The following CDH13 variants were observed in gnomAD, a reference collection of about 807,000 sequenced individuals.
CDH13 encodes the protein cadherin-13.
In CDH13, 24 loss-of-function variants were observed where a neutral mutation model predicts 63.8. The ratio of observed to expected loss-of-function variants is 0.38; its 90% CI spans 0.27 to 0.53. The LOEUF (loss-of-function observed/expected upper bound fraction) is 0.53, where lower values mean the gene tolerates loss of function less well. Among genes scored for constraint, CDH13 ranks in the 20% least tolerant of loss-of-function variants. The pLI, the probability that CDH13 is intolerant of heterozygous loss-of-function variation, is 0.85. For synonymous variants in CDH13, 503 were observed against 355.3 expected (o/e 1.42, Z -4.67); for missense variants, 1,049 against 903.1 (o/e 1.16, Z -2.07).
intron 5 of CDH13, among the ~76,000 whole-genome samples, chr16:83,337,247 T>C (rs1424398945): frequency 6.6e-6 from 1 of 152,150 alleles, no homozygotes; most frequent in Non-Finnish European, 1.5e-5. Flanking sequence ...CCCCACAGTA[T>C]GGAAAGAGAG....
At chr16:82,914,322 G>T (rs1337355619) in intron 2 of CDH13, among the ~76,000 whole-genome samples, 1 of 152,106 alleles carries the variant, frequency 6.6e-6, no homozygotes, top group African/African-American at 2.4e-5. Context: ...AACCCGTATA[G>T]TCTTCATAAA....
chr16:83,389,156 TG>T (rs1429789347), intron 6 of CDH13, among the ~76,000 whole-genome samples: 6 of 152,236 alleles, frequency 3.9e-5, no homozygotes, highest in Non-Finnish European at 8.8e-5. Context: ...TCACTCAGAT[TG>T]CTTTTCATTT....
intron 2 of CDH13, among the ~76,000 whole-genome samples, chr16:82,948,112 ACT>A (rs1219620328): frequency 1.3e-5 from 2 of 152,118 alleles, no homozygotes; most frequent in Admixed American, 6.5e-5. Context: ...AAAGCCGGTA[ACT>A]CTAACGTTAT....
intron 3 of CDH13, among the ~76,000 whole-genome samples, chr16:83,063,529 A>G (rs1447091064): frequency 5.9e-5 from 9 of 152,202 alleles, no homozygotes; most frequent in Non-Finnish European, 7.3e-5. Flanking sequence ...GGTTATAGCA[A>G]TAGAGATGGA....
chr16:82,792,559 C>A (rs1445413090), intron 1 of CDH13, among the ~76,000 whole-genome samples: 1 of 152,080 alleles, frequency 6.6e-6, no homozygotes, highest in African/African-American at 2.4e-5. Context: ...TTAGTTGCCC[C>A]TCTAGACTAT....
At chr16:83,449,951 G>C (rs2072837324) in intron 6 of CDH13, among the ~76,000 whole-genome samples, 1 of 152,164 alleles carries the variant, frequency 6.6e-6, no homozygotes, top group Non-Finnish European at 1.5e-5. Flanking sequence ...AGAAGAAAAA[G>C]AGCATTTGAT....
chr16:83,672,383 T>C (rs528693119), intron 9 of CDH13, among the ~76,000 whole-genome samples: 2 of 147,428 alleles, frequency 1.4e-5, no homozygotes, highest in Admixed American at 1.4e-4. Context: ...ACATGGTAGA[T>C]AGAGTGAGGC....
intron 2 of CDH13, among the ~76,000 whole-genome samples, chr16:82,885,565 A>G (rs2040860334): frequency 6.6e-6 from 1 of 151,838 alleles, no homozygotes; most frequent in African/African-American, 2.4e-5. Context: ...CCATTCACTT[A>G]TCCTGCCTTG....
intron 6 of CDH13, among the ~76,000 whole-genome samples, chr16:83,473,804 C>T (rs1475962904): frequency 3.3e-5 from 5 of 152,172 alleles, no homozygotes; most frequent in Non-Finnish European, 7.3e-5. Flanking sequence ...GTCTCAGCCA[C>T]TTACCAGCTA....
chr16:83,453,269 C>T (rs763766718), intron 6 of CDH13, among the ~76,000 whole-genome samples: 1 of 152,078 alleles, frequency 6.6e-6, no homozygotes, highest in Non-Finnish European at 1.5e-5. Flanking sequence ...GTTCAGTGTA[C>T]ACTGCTCAGG....
intron 1 of CDH13, among the ~76,000 whole-genome samples, chr16:82,733,370 T>G (rs956303940): frequency 3.8e-5 from 5 of 131,418 alleles, no homozygotes; most frequent in Non-Finnish European, 8.7e-5. Context: ...ATTTTTGCTA[T>G]GTAAAAAAAA....
chr16:83,037,152 A>G (rs891785424), intron 3 of CDH13, among the ~76,000 whole-genome samples: 12 of 152,196 alleles, frequency 7.9e-5, no homozygotes, highest in Non-Finnish European at 4.4e-5. Flanking sequence ...AATAGCTACT[A>G]CTATTTTTTG....
Position 83,162,658 on chromosome 16 carries a change from T to C in CDH13, c.483+37157T>C, listed in dbSNP as rs536532038. Among the ~76,000 whole-genome samples the C allele has an allele frequency of 8.3e-4, 126 of 151,852 alleles. 1 individual carries two copies. The highest frequency in any genetic ancestry group is 2.8e-3 in the African/African-American group (118 of 41,516). On this transcript the variant is annotated intron_variant, in intron 4 of 13. Transcript: ENST00000567109. ...TCAGGTTGCCTAAACAGTTACTGAA[T>C]GAGCTTGTCAAAATGCATAAAGAAG... is the stretch of plus-strand genomic sequence containing the variant.
intron 8 of CDH13, among the ~76,000 whole-genome samples, chr16:83,604,334 A>C (rs1427193325): frequency 6.6e-6 from 1 of 152,176 alleles, no homozygotes; most frequent in African/African-American, 2.4e-5. Flanking sequence ...CCATGGTTCC[A>C]AACTGGCATT....
chr16:82,865,167 G>A (rs944247379), intron 2 of CDH13, among the ~76,000 whole-genome samples: 8 of 152,322 alleles, frequency 5.3e-5, no homozygotes, highest in East Asian at 1.9e-4. Context: ...ACAGGCTGGC[G>A]TTGAGTGTCT....
chr16:83,240,467 C>T (rs1284983381), intron 5 of CDH13, among the ~76,000 whole-genome samples: 2 of 151,784 alleles, frequency 1.3e-5, no homozygotes, highest in Non-Finnish European at 2.9e-5. Flanking sequence ...TGAAGGAAAC[C>T]AGGTGAGAAA....
chr16:83,065,691 C>A (rs907551149), intron 3 of CDH13, among the ~76,000 whole-genome samples: 5 of 106,542 alleles, frequency 4.7e-5, no homozygotes, highest in African/African-American at 2.0e-4. Context: ...GGTGACAGAA[C>A]GAGATTTGTC....
chr16:83,036,885 C>T lies in CDH13; in HGVS notation c.366+4667C>T, dbSNP rs1165489745. On this transcript the variant is annotated intron_variant, in intron 3 of 13. Coordinates refer to ENST00000567109, the MANE Select transcript of CDH13 (RefSeq NM_001257.5). ...CCCACACAAGCCAGGGTCCAGCATC[C>T]CAGGGTCCACTTTTCTTGGCCAGAG... Among the ~76,000 whole-genome samples the T allele has an allele frequency of 2.0e-5, 3 of 152,084 alleles. No homozygotes were observed. In the East Asian group the frequency reaches 5.8e-4, roughly 29 times the overall value.
intron 1 of CDH13, among the ~76,000 whole-genome samples, chr16:82,643,834 C>G (rs11648053): frequency 5.3e-5 from 8 of 152,082 alleles, no homozygotes; most frequent in African/African-American, 1.7e-4. Flanking sequence ...CCTTGACCAC[C>G]TGAGCTCAAG....
Sources: gnomAD v4.1 joint callset for allele counts (sites outside exome capture counted in the v4.1 genomes callset) on GRCh38, gnomAD v4.1.1 for gene constraint, MANE v1.5 for transcripts, NCBI Gene and HGNC (gene_info 2026-07-23, HGNC 2026-07-21) for gene names.